MPDZ: variants seen among roughly 807,000 people sequenced by gnomAD.
The protein encoded by MPDZ is multiple PDZ domain protein.
MPDZ carries 234 observed loss-of-function variants against 239.1 expected under a neutral mutation model. That is an observed-to-expected ratio of 0.98 (90% CI 0.88 to 1.09). MPDZ has a LOEUF of 1.09. Ranked by LOEUF, MPDZ falls within the 50% of genes least tolerant of loss-of-function variation. The pLI is 0.00. For missense variants in MPDZ, 3,175 were observed against 2,510.0 expected (o/e 1.26, Z -5.66); for synonymous variants, 1,048 against 881.3 (o/e 1.19, Z -3.35).
intron 7 of MPDZ, among the ~76,000 whole-genome samples, chr9:13,220,863 T>A (rs1959019588): frequency 6.6e-6 from 1 of 152,008 alleles, no homozygotes. Flanking sequence ...ATTGCAACAA[T>A]GTCACATATC....
At chr9:13,197,948 G>T (rs893396937) in intron 12 of MPDZ, among the ~76,000 whole-genome samples, 3 of 152,094 alleles carry the variant, frequency 2.0e-5, no homozygotes, top group Non-Finnish European at 2.9e-5. Context: ...GTGGCTGAAT[G>T]ATATTCCATT....
intron 25 of MPDZ, among the ~76,000 whole-genome samples, chr9:13,149,180 A>T (rs993197055): frequency 6.6e-6 from 1 of 151,954 alleles, no homozygotes; most frequent in Non-Finnish European, 1.5e-5. Flanking sequence ...ACTCTTCCTT[A>T]TAAACGGTCA....
chr9:13,129,545 G>A (rs1022769373), intron 32 of MPDZ, among the ~76,000 whole-genome samples: 1 of 151,820 alleles, frequency 6.6e-6, no homozygotes, highest in Admixed American at 6.6e-5. Context: ...AAGGATAACA[G>A]CATATGAATG....
chr9:13,278,291 A>T (rs1247983039), intron 1 of MPDZ, among the ~76,000 whole-genome samples: 1 of 152,148 alleles, frequency 6.6e-6, no homozygotes, highest in African/African-American at 2.4e-5. Flanking sequence ...CCCTACTGCA[A>T]AAAGGCAGTC....
At chr9:13,227,161 T>C (rs541074305) in intron 3 of MPDZ, among the ~76,000 whole-genome samples, 1 of 152,228 alleles carries the variant, frequency 6.6e-6, no homozygotes, top group South Asian at 2.1e-4. Flanking sequence ...TAAGAGTTTG[T>C]TACCTATCCT....
At chr9:13,244,076 T>C (rs1472774211) in intron 3 of MPDZ, among the ~76,000 whole-genome samples, 1 of 152,224 alleles carries the variant, frequency 6.6e-6, no homozygotes, top group East Asian at 1.9e-4. Flanking sequence ...CCTAAATTTC[T>C]ATTGAAATTA....
chr9:13,184,247 T>C (rs1341555113), intron 18 of MPDZ, among the ~76,000 whole-genome samples: 2 of 151,982 alleles, frequency 1.3e-5, no homozygotes, highest in Admixed American at 6.6e-5. Context: ...CCTATTGCTG[T>C]CTTCTGTCAC....
At chr9:13,112,176 C>G in intron 42 of MPDZ, 30 bp from the exon 43 acceptor site, 3 of 1,580,408 alleles carry the variant, frequency 1.9e-6, no homozygotes, top group Non-Finnish European at 2.6e-6. Flanking sequence ...AAATTTTGGT[C>G]AAAGTGATAT....
At chr9:13,199,208 A>C (rs768581084) in intron 12 of MPDZ, among the ~76,000 whole-genome samples, 1 of 151,870 alleles carries the variant, frequency 6.6e-6, no homozygotes, top group Non-Finnish European at 1.5e-5. Flanking sequence ...TGTAGGTTTC[A>C]CTGCAGAAAT....
In MPDZ at chr9:13,162,628, G is replaced by A. The variant is rs1050349378; in HGVS notation, c.3359+63C>T. The A allele has an allele frequency of 3.6e-6, 4 of 1,101,676 alleles. No homozygotes were observed. In the African/African-American group the frequency reaches 4.7e-5, roughly 13 times the overall value. The allele number at this position is 1,101,676 out of a possible 1,614,324, so 68.2% of individuals were successfully genotyped here. ...CTTTGCTCTAGTCCTCCCTGACTCT[G>A]AATTCCAAATTCTCTACAACTTGCT... On this transcript the variant is annotated intron_variant, in intron 23 of 46. Coordinates refer to ENST00000319217, the MANE Select transcript of MPDZ (RefSeq NM_001378778.1).
At chr9:13,179,004 G>A (rs1237168486) in intron 19 of MPDZ, among the ~76,000 whole-genome samples, 1 of 152,072 alleles carries the variant, frequency 6.6e-6, no homozygotes, top group African/African-American at 2.4e-5. Context: ...ATATGGGTCT[G>A]TCACTTTTTT....
intron 3 of MPDZ, among the ~76,000 whole-genome samples, chr9:13,233,560 T>C (rs1284432461): frequency 1.3e-5 from 2 of 152,132 alleles, no homozygotes; most frequent in Non-Finnish European, 1.5e-5. Flanking sequence ...TTTCCATATC[T>C]TGATTTCGGT....
At position 13,196,223 on chromosome 9, in the gene MPDZ, T is replaced by C; in HGVS notation, c.1554A>G (p.Pro518=). The change falls in exon 13 of 47, where the codon CCA becomes CCG. Residue 518 remains proline, a synonymous_variant. Coordinates refer to ENST00000319217, the MANE Select transcript of MPDZ (RefSeq NM_001378778.1). The part of the protein sequence containing the change: ...NILPTEEEGY[P]LLSAEIEEIE... ...TTTCTTCTATCTCAGCTGACAGTAA[T>C]GGATACCCTGAAACAGTCAAGGCAA... The C allele has an allele frequency of 2.5e-6, 4 of 1,584,988 alleles. No individual in the cohort carries two copies. Among genetic ancestry groups the C allele is most frequent in the Non-Finnish European group, 2.6e-6 (3 of 1,163,042 alleles).
rs888803912 is a variant in MPDZ, at chr9:13,168,269, G to A, written c.3254+97C>T. 61 of 1,087,880 alleles carry A rather than the reference G, an allele frequency of 5.6e-5. No individual in the cohort carries two copies. In the East Asian group the frequency reaches 1.3e-3, roughly 23 times the overall value. The allele number at this position is 1,087,880 out of a possible 1,614,324, so 67.4% of individuals were successfully genotyped here. ...TTTATGTTAAAAAAAATGTGATAAC[G>A]TTTGCATCTCAAACAGAAGTGAATA... is the stretch of plus-strand genomic sequence containing the variant. On this transcript the variant is annotated intron_variant, in intron 22 of 46. Transcript: ENST00000319217.
At chr9:13,130,540 A>G (rs1945828763) in intron 32 of MPDZ, among the ~76,000 whole-genome samples, 1 of 152,240 alleles carries the variant, frequency 6.6e-6, no homozygotes, top group Non-Finnish European at 1.5e-5. Context: ...TTTTAGATGT[A>G]CAGAAAAGAT....
At chr9:13,147,449 C>G (rs150805071) in intron 26 of MPDZ, 99 bp downstream of exon 26, 1 of 838,946 alleles carries the variant, frequency 1.2e-6, no homozygotes, top group East Asian at 2.5e-5. Context: ...TTTGAAAAAT[C>G]ACTATCTTTA....
Position 13,182,723 on chromosome 9 carries a change from C to T in MPDZ, c.2649+695G>A, listed in dbSNP as rs547789607. Among the ~76,000 whole-genome samples the T allele has an allele frequency of 6.1e-4, 93 of 152,084 alleles. 1 individual carries two copies. Among genetic ancestry groups the T allele is most frequent in the Non-Finnish European group, 1.2e-3 (81 of 67,962 alleles). ...AAATCCAAATTAAAATAGTAAGATACCATTTCACACCCAAAACATTGGATA... is the reference window on the plus strand; with the variant it reads ...AAATCCAAATTAAAATAGTAAGATATCATTTCACACCCAAAACATTGGATA... On this transcript the variant is annotated intron_variant, in intron 19 of 46. Transcript: ENST00000319217.
At position 13,168,571 on chromosome 9, in the gene MPDZ, G is replaced by T; in HGVS notation, c.3056-7C>A. 2.6e-6 allele frequency: 4 copies of T among 1,530,738 alleles called. No individual in the cohort carries two copies. Among genetic ancestry groups the T allele is most frequent in the Non-Finnish European group, 3.5e-6 (4 of 1,143,684 alleles). The allele number at this position is 1,530,738 out of a possible 1,614,324, so 94.8% of individuals were successfully genotyped here. On this transcript the variant is annotated splice_polypyrimidine_tract_variant and splice_region_variant and intron_variant, in intron 21 of 46. Transcript: ENST00000319217. ...TTAGCACTAACTGTCATTCCTACAG[G>T]AAAAGAGAAATGCAAATATAATTAA... is the stretch of plus-strand genomic sequence containing the variant.
At chr9:13,153,049 T>A (rs1291331978) in intron 24 of MPDZ, among the ~76,000 whole-genome samples, 1 of 152,078 alleles carries the variant, frequency 6.6e-6, no homozygotes, top group African/African-American at 2.4e-5. Flanking sequence ...GGACATTAAG[T>A]AGGATAAGAC....
Sources: allele counts gnomAD v4.1 joint callset (sites outside exome capture counted in the v4.1 genomes callset), GRCh38; gene constraint gnomAD v4.1.1; transcripts MANE v1.5; gene names NCBI Gene and HGNC (gene_info 2026-07-23, HGNC 2026-07-21).